Variants in ALK observed in about 807,000 individuals in gnomAD.
ALK encodes the protein ALK receptor tyrosine kinase.
ALK carries 74 observed loss-of-function variants against 163.1 expected under a neutral mutation model. The observed-to-expected ratio is 0.45, with a 90% CI of 0.38 to 0.55. The LOEUF is 0.55. Among genes scored for constraint, ALK ranks in the 20% least tolerant of loss-of-function variants. The pLI is 0.00. For synonymous variants in ALK, 960 were observed against 843.2 expected (o/e 1.14, Z -2.40); for missense variants, 2,063 against 2,105.3 (o/e 0.98, Z 0.39).
chr2:29,212,851 G>A (rs1025913880), intron 24 of ALK, among the ~76,000 whole-genome samples: 1 of 152,086 alleles, frequency 6.6e-6, no homozygotes, highest in East Asian at 1.9e-4. Flanking sequence ...GATTATAGGC[G>A]TCCCCCACCA....
chr2:29,212,182 G>A (rs961404634), intron 24 of ALK, among the ~76,000 whole-genome samples: 8 of 152,162 alleles, frequency 5.3e-5, no homozygotes, highest in African/African-American at 1.9e-4. Context: ...GGTGACGCGG[G>A]TTGCTCTCAT....
chr2:29,395,516 T>G (rs1320984128), intron 4 of ALK, among the ~76,000 whole-genome samples: 1 of 152,208 alleles, frequency 6.6e-6, no homozygotes, highest in African/African-American at 2.4e-5. Context: ...CTTAGCATGA[T>G]GGGGACTTTA....
chr2:29,356,287 T>C (rs1225171837), intron 5 of ALK, among the ~76,000 whole-genome samples: 1 of 152,224 alleles, frequency 6.6e-6, no homozygotes, highest in East Asian at 1.9e-4. Context: ...GTAAATAGTA[T>C]TATTAACTTC....
intron 3 of ALK, among the ~76,000 whole-genome samples, chr2:29,580,771 A>G (rs1031366206): frequency 6.6e-6 from 1 of 152,190 alleles, no homozygotes; most frequent in Non-Finnish European, 1.5e-5. Context: ...GTTTGGGGCT[A>G]TTTATGCCAT....
chr2:29,704,771 G>A (rs773716830), intron 2 of ALK, among the ~76,000 whole-genome samples: 2 of 152,080 alleles, frequency 1.3e-5, no homozygotes, highest in Non-Finnish European at 2.9e-5. Context: ...AGAACAGGGT[G>A]GGGGAAAGCA....
At chr2:29,680,213 T>G (rs1678021410) in intron 3 of ALK, among the ~76,000 whole-genome samples, 1 of 152,040 alleles carries the variant, frequency 6.6e-6, no homozygotes, top group Non-Finnish European at 1.5e-5. Context: ...ATGTGCAAAT[T>G]GATTTTTTTC....
chr2:29,787,932 G>C (rs553515722), intron 1 of ALK, among the ~76,000 whole-genome samples: 5 of 152,306 alleles, frequency 3.3e-5, no homozygotes, highest in Admixed American at 1.3e-4. Flanking sequence ...AATTCAAAGT[G>C]TTAGTATATG....
intron 4 of ALK, among the ~76,000 whole-genome samples, chr2:29,428,481 TA>T (rs567798373): frequency 6.6e-6 from 1 of 151,854 alleles, no homozygotes; most frequent in African/African-American, 2.4e-5. Flanking sequence ...GAATACTGTT[TA>T]AAAAAAGCTA....
Position 29,223,385 on chromosome 2 carries a change from T to G in ALK, c.3316A>C (p.Ser1106Arg), listed in dbSNP as rs1669860579. The G allele has an allele frequency of 3.7e-6, 6 of 1,614,060 alleles. No homozygotes were observed. Among genetic ancestry groups the G allele is most frequent in the Non-Finnish European group, 5.1e-6 (6 of 1,180,044 alleles). Residue 1106 changes from serine (S) to arginine (R), a missense_variant, in exon 20 of 29, where the codon AGT becomes CGT. By Grantham distance (110) the Ser-to-Arg change is moderately radical. This residue lies in a region of ALK where 575 missense variants were observed against 626.6 expected (regional missense o/e 0.92). Coordinates refer to ENST00000389048, the MANE Select transcript of ALK (RefSeq NM_004304.5). ...YCFAGKTSSI[S>R]DLKEVPRKNI... ...TTCCGCGGCACCTCCTTCAGGTCAC[T>G]GATGGAGGAGGTCTTGCCAGCAAAG... is the stretch of plus-strand genomic sequence containing the variant.
chr2:29,909,480 C>CAGAGAGAGAGAGAG lies in ALK; in HGVS notation c.667+10499_667+10512dup, dbSNP rs369360033. Among the ~76,000 whole-genome samples, 660 of 135,932 alleles carry CAGAGAGAGAGAGAG rather than the reference C, an allele frequency of 4.9e-3. 12 individuals are homozygous for CAGAGAGAGAGAGAG. The East Asian group carries it at 0.05, about 10-fold the overall frequency. 89.2% of individuals were successfully genotyped at this position (135,932 alleles called of 152,430 possible). A position where few individuals can be genotyped will look rare whatever the true frequency, so the allele number is the denominator to read the frequency against. ...ACACACACAGAGAGAGACAGACAGA[C>CAGAGAGAGAGAGAG]AGAGAGAGAGAGAGAGAGAGAGAGA... On this transcript the variant is annotated intron_variant, in intron 1 of 28. Coordinates refer to ENST00000389048, the MANE Select transcript of ALK (RefSeq NM_004304.5).
chr2:29,326,624 A>C (rs1667271797), intron 6 of ALK, among the ~76,000 whole-genome samples: 1 of 152,226 alleles, frequency 6.6e-6, no homozygotes. Flanking sequence ...CAGGGTAAGC[A>C]AAGCCCTTCC....
At chr2:29,685,912 C>T (rs1200530052) in intron 3 of ALK, among the ~76,000 whole-genome samples, 7 of 152,176 alleles carry the variant, frequency 4.6e-5, no homozygotes, top group African/African-American at 1.7e-4. Flanking sequence ...CTTCCTCCAT[C>T]TTCAAATCCA....
At chr2:29,777,556 C>A (rs185951818) in intron 1 of ALK, among the ~76,000 whole-genome samples, 1 of 152,174 alleles carries the variant, frequency 6.6e-6, no homozygotes, top group Non-Finnish European at 1.5e-5. Context: ...TTCTCGCTGA[C>A]TGGCTGGCTT....
intron 4 of ALK, among the ~76,000 whole-genome samples, chr2:29,421,415 G>A (rs1210543107): frequency 2.0e-5 from 3 of 151,484 alleles, no homozygotes; most frequent in Non-Finnish European, 2.9e-5. Flanking sequence ...CATTTGTTGA[G>A]CACCTATCAC....
At chr2:29,468,153 C>CA (rs1412379177) in intron 4 of ALK, among the ~76,000 whole-genome samples, 4 of 152,060 alleles carry the variant, frequency 2.6e-5, no homozygotes. Flanking sequence ...TTCAGCCTTC[C>CA]AAGTAGCTGG....
intron 1 of ALK, among the ~76,000 whole-genome samples, chr2:29,827,658 G>A (rs1665239569): frequency 6.6e-6 from 1 of 152,130 alleles, no homozygotes. Flanking sequence ...GGCTTTGCAA[G>A]GAGACTGAGA....
chr2:29,712,555 G>A (rs1025478088), intron 2 of ALK, among the ~76,000 whole-genome samples: 3 of 151,994 alleles, frequency 2.0e-5, no homozygotes, highest in Non-Finnish European at 4.4e-5. Context: ...GAGCTATGAA[G>A]CAAATCCTAT....
chr2:29,520,043 G>T (rs1672771518), intron 4 of ALK, among the ~76,000 whole-genome samples: 1 of 152,200 alleles, frequency 6.6e-6, no homozygotes, highest in Non-Finnish European at 1.5e-5. Context: ...CTAAGTAGAA[G>T]TCCTGACTGG....
At chr2:29,689,404 G>C (rs542497015) in intron 3 of ALK, among the ~76,000 whole-genome samples, 1 of 152,186 alleles carries the variant, frequency 6.6e-6, no homozygotes, top group Non-Finnish European at 1.5e-5. Flanking sequence ...GGTGACTCAG[G>C]TCCCTGCTAC....
Sources: gnomAD v4.1 joint callset for allele counts (sites outside exome capture counted in the v4.1 genomes callset) on GRCh38, gnomAD v4.1.1 for gene constraint, gnomAD v4.1.1 regional missense constraint, MANE v1.5 for transcripts, NCBI Gene and HGNC (gene_info 2026-07-23, HGNC 2026-07-21) for gene names.